The following GNL2 variants were observed in gnomAD, a reference collection of about 807,000 sequenced individuals.
GNL2 encodes the protein G protein nucleolar 2.
A neutral mutation model predicts 92.3 loss-of-function variants in GNL2; 51 were observed. The observed-to-expected ratio is 0.55, with a 90% CI of 0.44 to 0.70. GNL2 has a LOEUF of 0.70. Among genes scored for constraint, GNL2 ranks in the 30% least tolerant of loss-of-function variants. GNL2 has a pLI of 0.00. For missense variants in GNL2, 844 were observed against 895.6 expected, an observed-to-expected ratio of 0.94 and a Z score of 0.74; for synonymous variants, 283 against 300.6, an observed-to-expected ratio of 0.94 and a Z score of 0.61.
At chr1:37,584,667 C>G (rs1186437880) in intron 5 of GNL2, among the ~76,000 whole-genome samples, 1 of 151,818 alleles carries the variant, frequency 6.6e-6, no homozygotes, top group African/African-American at 2.4e-5. Flanking sequence ...GGAAACGGAC[C>G]GTTAGTGTTA....
chr1:37,594,408 G>C (rs931221205), intron 1 of GNL2, among the ~76,000 whole-genome samples: 3 of 152,164 alleles, frequency 2.0e-5, no homozygotes, highest in African/African-American at 7.2e-5. Context: ...CTTAATGTTT[G>C]ATTTTTGTTT....
chr1:37,566,896 CCT>C lies in GNL2; in HGVS notation c.2153_2154del (p.Glu718GlyfsTer?). The C allele has an allele frequency of 6.2e-7, 1 of 1,613,936 alleles. No individual in the cohort carries two copies. The highest frequency in any genetic ancestry group is 8.5e-7 in the Non-Finnish European group (1 of 1,179,926). ...NRNKKKTNDSEGQKHKRKKFR... is the reference protein window; with the variant it reads ...NRNKKKTNDSXGQKHKRKKFR... Reference sequence around the variant, plus strand: ...AATTTTTTGCGTTTGTGTTTCTGTCCCTCTGAGTCATTGGTCTTCTTTTTGTT... The same window carrying C: ...AATTTTTTGCGTTTGTGTTTCTGTCCCTGAGTCATTGGTCTTCTTTTTGTT... On this transcript the variant is annotated frameshift_variant, in exon 16 of 16. Transcript: ENST00000373062. LOFTEE classifies it high-confidence loss of function.
At chr1:37,590,580 A>G in intron 4 of GNL2, 126 bp downstream of exon 4, 2 of 753,958 alleles carry the variant, frequency 2.7e-6, no homozygotes, top group Admixed American at 4.6e-5. Flanking sequence ...GAGGTCTTAG[A>G]AAGTTCATCA....
intron 8 of GNL2, among the ~76,000 whole-genome samples, chr1:37,579,539 C>T (rs1279144120): frequency 1.3e-5 from 2 of 148,184 alleles, no homozygotes; most frequent in Middle Eastern, 3.5e-3. Flanking sequence ...AAGAGCAAAA[C>T]TCTGTCTCAC....
At chr1:37,578,564 CT>C (rs918667500) in intron 8 of GNL2, among the ~76,000 whole-genome samples, 65 of 146,742 alleles carry the variant, frequency 4.4e-4, no homozygotes, top group Middle Eastern at 3.5e-3. Context: ...ATGCCTTACT[CT>C]TTTTTTTTTT....
chr1:37,582,772 A>T lies in GNL2; in HGVS notation c.795+6T>A. The T allele has an allele frequency of 6.2e-7, 1 of 1,608,236 alleles. No homozygotes were observed. The highest frequency in any genetic ancestry group is 8.5e-7 in the Non-Finnish European group (1 of 1,176,916). On this transcript the variant is annotated splice_donor_region_variant and intron_variant, in intron 7 of 15. Coordinates refer to ENST00000373062, the MANE Select transcript of GNL2 (RefSeq NM_013285.3). ...TAGTCTATTCTGGTTTAGTAGTTGTACTTACTGTTGCCCAGGTTGGAACAA... is the reference window on the plus strand; with the variant it reads ...TAGTCTATTCTGGTTTAGTAGTTGTTCTTACTGTTGCCCAGGTTGGAACAA...
Position 37,578,454 on chromosome 1 carries a change from A to T in GNL2, c.910-1898T>A, listed in dbSNP as rs1346967402. On this transcript the variant is annotated intron_variant, in intron 8 of 15. Coordinates refer to ENST00000373062, the MANE Select transcript of GNL2 (RefSeq NM_013285.3). The stretch of plus-strand genomic sequence containing the variant: ...ACTCTGTCTCAAAAAAAAAAAAAAA[A>T]TTAAATTAAATTAGAGTCCCTATTT... Among the ~76,000 whole-genome samples, 4 of 151,664 alleles carry T rather than the reference A, an allele frequency of 2.6e-5. No individual in the cohort carries two copies. In the East Asian group the frequency reaches 5.8e-4, roughly 22 times the overall value.
chr1:37,567,937 T>C, intron 14 of GNL2, 173 bp from the exon 15 acceptor site: 2 of 611,742 alleles, frequency 3.3e-6, no homozygotes. Context: ...AAGGATGCCC[T>C]AAGCCATGCT....
At chr1:37,580,908 G>A (rs1451959956) in intron 8 of GNL2, among the ~76,000 whole-genome samples, 1 of 152,216 alleles carries the variant, frequency 6.6e-6, no homozygotes, top group Non-Finnish European at 1.5e-5. Context: ...AAGACTGAAT[G>A]GCCAAGACTA....
At chr1:37,584,747 ACAATGTAAATGAACTTAGTAT>A (rs1643825667) in intron 5 of GNL2, among the ~76,000 whole-genome samples, 1 of 152,084 alleles carries the variant, frequency 6.6e-6, no homozygotes, top group Non-Finnish European at 1.5e-5. Context: ...TGATTGCACA[ACAATGTAAATGAACTTAGTAT>A]CACTAAACTG....
At position 37,582,917 on chromosome 1, in the gene GNL2, A is replaced by G. The variant is rs1320076373; in HGVS notation, c.656T>C (p.Val219Ala). Reference sequence around the variant, plus strand: ...TCTAGCATCAAGAACTTGAACTACAACATCTGATGAATCTATCACCTGAAA... The same window carrying G: ...TCTAGCATCAAGAACTTGAACTACAGCATCTGATGAATCTATCACCTGAAA... ...ELYKVIDSSD[V>A]VVQVLDARDP... is the part of the protein sequence containing the mutation. The change falls in exon 7 of 16, where the codon GTT (valine) becomes GCT (alanine). Residue 219 changes from valine to alanine, a missense_variant. Coordinates refer to ENST00000373062, the MANE Select transcript of GNL2 (RefSeq NM_013285.3). 1 of 1,612,468 alleles carries G rather than the reference A, an allele frequency of 6.2e-7. No individual in the cohort carries two copies. Among genetic ancestry groups the G allele is most frequent in the Non-Finnish European group, 8.5e-7 (1 of 1,179,070 alleles).
In GNL2 at chr1:37,590,864, A is replaced by G. The variant is rs1052950986; in HGVS notation, c.245-19T>C. 8 of 1,534,690 alleles carry G rather than the reference A, an allele frequency of 5.2e-6. No individual in the cohort carries two copies. The highest frequency in any genetic ancestry group is 1.7e-4 in the Middle Eastern group (1 of 5,754). On this transcript the variant is annotated intron_variant, in intron 3 of 15. Coordinates refer to ENST00000373062, the MANE Select transcript of GNL2 (RefSeq NM_013285.3). ...GTGTTTCCTGTTTTACAAATAAAGAATGTTGCCACTTAGTTAATATTTGCG... is the reference window on the plus strand; with the variant it reads ...GTGTTTCCTGTTTTACAAATAAAGAGTGTTGCCACTTAGTTAATATTTGCG...
chr1:37,574,950 G>T, intron 10 of GNL2, 127 bp from the exon 11 acceptor site: 1 of 681,688 alleles, frequency 1.5e-6, no homozygotes, highest in Non-Finnish European at 2.5e-6. Context: ...ATTGGCAGGA[G>T]CCTGTCTCTG....
chr1:37,589,397 C>T (rs761448876), intron 4 of GNL2, among the ~76,000 whole-genome samples: 2 of 152,212 alleles, frequency 1.3e-5, no homozygotes, highest in African/African-American at 2.4e-5. Flanking sequence ...CTCTGCCTCC[C>T]GGGTTCATAT....
chr1:37,576,413 C>T lies in GNL2; in HGVS notation c.1038+15G>A, dbSNP rs946846657. On this transcript the variant is annotated intron_variant, in intron 9 of 15. Transcript: ENST00000373062. The stretch of plus-strand genomic sequence containing the variant: ...GAAAATATGCAAAAGTAAGGTCACC[C>T]TGCGCCCAACGTACCTTTGTTTCAC... The T allele has an allele frequency of 3.1e-5, 50 of 1,611,024 alleles. No homozygotes were observed. Among genetic ancestry groups the T allele is most frequent in the Non-Finnish European group, 4.2e-5 (50 of 1,178,324 alleles).
chr1:37,569,350 A>G, intron 12 of GNL2, 48 bp from the exon 13 acceptor site: 1 of 1,321,868 alleles, frequency 7.6e-7, no homozygotes, highest in Non-Finnish European at 1.1e-6. Context: ...AGAAAATGAA[A>G]AATGGAATTT....
At chr1:37,571,612 C>T (rs967739286) in intron 12 of GNL2, among the ~76,000 whole-genome samples, 4 of 152,154 alleles carry the variant, frequency 2.6e-5, no homozygotes, top group Admixed American at 6.5e-5. Flanking sequence ...CCAAACTCCT[C>T]GTGGAAATGA....
At chr1:37,581,095 T>C (rs1284807085) in intron 8 of GNL2, among the ~76,000 whole-genome samples, 1 of 152,162 alleles carries the variant, frequency 6.6e-6, no homozygotes, top group African/African-American at 2.4e-5. Context: ...AGAGGATGGC[T>C]ATAAGATAGC....
chr1:37,593,326 T>A (rs1362599407), intron 2 of GNL2, among the ~76,000 whole-genome samples: 1 of 152,184 alleles, frequency 6.6e-6, no homozygotes, highest in Non-Finnish European at 1.5e-5. Context: ...ACTCAGCAAA[T>A]CCCTGTGGTA....
Sources: gnomAD v4.1 joint callset for allele counts (sites outside exome capture counted in the v4.1 genomes callset) on GRCh38, gnomAD v4.1.1 for gene constraint, MANE v1.5 for transcripts, NCBI Gene and HGNC (gene_info 2026-07-23, HGNC 2026-07-21) for gene names.